AK5: variants seen among roughly 807,000 people sequenced by gnomAD.
The protein encoded by AK5 is adenylate kinase isoenzyme 5.
In AK5, 27 loss-of-function variants were observed where a neutral mutation model predicts 69.5. The ratio of observed to expected loss-of-function variants is 0.39; its 90% CI spans 0.29 to 0.54. AK5 has a LOEUF of 0.54. AK5 is among the 20% of genes least tolerant of loss of function. The probability of loss-of-function intolerance (pLI) is 0.71; values close to 1 mark genes in which losing one functional copy is unlikely to be tolerated. For synonymous variants in AK5, 260 were observed against 244.4 expected, an observed-to-expected ratio of 1.06 and a Z score of -0.60; for missense variants, 531 against 700.4, an observed-to-expected ratio of 0.76 and a Z score of 2.73.
At chr1:77,341,317 G>T (rs1459449606) in intron 6 of AK5, among the ~76,000 whole-genome samples, 1 of 152,152 alleles carries the variant, frequency 6.6e-6, no homozygotes, top group African/African-American at 2.4e-5. Context: ...AGGATAATGG[G>T]TCATCTGAAG....
intron 6 of AK5, among the ~76,000 whole-genome samples, chr1:77,345,256 A>G (rs1034025913): frequency 6.6e-6 from 1 of 152,218 alleles, no homozygotes; most frequent in Non-Finnish European, 1.5e-5. Flanking sequence ...AATCAGAGGT[A>G]AGCTGTGGTC....
intron 8 of AK5, among the ~76,000 whole-genome samples, chr1:77,447,022 T>C (rs1652794878): frequency 1.3e-5 from 2 of 152,176 alleles, no homozygotes; most frequent in South Asian, 4.1e-4. Flanking sequence ...TTGAAAGTCA[T>C]TGGTGGTCTA....
intron 10 of AK5, among the ~76,000 whole-genome samples, chr1:77,490,183 G>A (rs1045911897): frequency 6.6e-5 from 10 of 152,084 alleles, no homozygotes; most frequent in African/African-American, 2.4e-4. Context: ...GCTTGTTGCT[G>A]CTGTGGCTGT....
chr1:77,428,858 G>GT (rs1176071656), intron 8 of AK5, among the ~76,000 whole-genome samples: 1 of 152,030 alleles, frequency 6.6e-6, no homozygotes, highest in Non-Finnish European at 1.5e-5. Context: ...GCGGTGTTTG[G>GT]TTTTTTGTCC....
intron 6 of AK5, among the ~76,000 whole-genome samples, chr1:77,374,821 G>GAAAAA (rs536579604): frequency 7.6e-6 from 1 of 131,182 alleles, no homozygotes; most frequent in Non-Finnish European, 1.7e-5. Context: ...CCCTGTCTCA[G>GAAAAA]AAAAAAAAAA....
At chr1:77,478,912 A>G (rs1655100721) in intron 8 of AK5, among the ~76,000 whole-genome samples, 2 of 146,322 alleles carry the variant, frequency 1.4e-5, no homozygotes, top group South Asian at 4.2e-4. Context: ...ACCAGAACCC[A>G]GCCTTGCAAA....
rs149078316 is a variant in AK5 at position 77,526,870 on chromosome 1, G to GTCTC, written c.1428+4940_1428+4943dup. Among the ~76,000 whole-genome samples the GTCTC allele has an allele frequency of 5.2e-3, 771 of 149,164 alleles. 7 individuals are homozygous for GTCTC. Among genetic ancestry groups the GTCTC allele is most frequent in the African/African-American group, 0.018 (724 of 40,716 alleles). On this transcript the variant is annotated intron_variant, in intron 12 of 13. Transcript: ENST00000354567. ...ACAAGATGTATAGTAAATAAATAAG[G>GTCTC]TCTCTCTCTCTCTCTCGGTCAACAA...
At chr1:77,283,067 G>A in intron 1 of AK5, 1 of 985,620 alleles carries the variant, frequency 1.0e-6, no homozygotes, top group Non-Finnish European at 1.2e-6. Context: ...AGCTGCGAGG[G>A]GGGCGGACTC....
At chr1:77,337,478 T>A (rs1339240714) in intron 5 of AK5, among the ~76,000 whole-genome samples, 1 of 152,156 alleles carries the variant, frequency 6.6e-6, no homozygotes, top group Non-Finnish European at 1.5e-5. Flanking sequence ...TATCATTTTA[T>A]TTGTCAAAAA....
chr1:77,486,199 C>T lies in AK5; in HGVS notation c.1103-109C>T, dbSNP rs1442881883. 3 of 696,342 alleles carry T rather than the reference C, an allele frequency of 4.3e-6. No individual in the cohort carries two copies. The South Asian group carries it at 4.9e-5, about 11-fold the overall frequency. The allele number at this position is 696,342 out of a possible 1,614,324, so 43.1% of individuals were successfully genotyped here. ...ATTCACACATTTATTCAACTTCAAGCTTTTTATCAAATAAAACTACAAGGT... is the reference window on the plus strand; with the variant it reads ...ATTCACACATTTATTCAACTTCAAGTTTTTTATCAAATAAAACTACAAGGT... On this transcript the variant is annotated intron_variant, in intron 9 of 13. Coordinates refer to ENST00000354567, the MANE Select transcript of AK5 (RefSeq NM_174858.3).
chr1:77,542,009 T>C (rs760896747), intron 13 of AK5, among the ~76,000 whole-genome samples: 24 of 152,190 alleles, frequency 1.6e-4, no homozygotes, highest in Admixed American at 4.6e-4. Context: ...GACACAGCAG[T>C]CAACGTGACA....
chr1:77,366,858 C>T (rs532104877), intron 6 of AK5, among the ~76,000 whole-genome samples: 1 of 151,698 alleles, frequency 6.6e-6, no homozygotes, highest in African/African-American at 2.4e-5. Flanking sequence ...ACTTAAAATT[C>T]GCTTTTAACT....
chr1:77,504,706 C>T (rs995962075), intron 10 of AK5, among the ~76,000 whole-genome samples: 2 of 152,150 alleles, frequency 1.3e-5, no homozygotes, highest in Non-Finnish European at 2.9e-5. Context: ...TGACCAGAAC[C>T]TCAGAAATCT....
At chr1:77,368,215 CTA>C (rs1172723260) in intron 6 of AK5, among the ~76,000 whole-genome samples, 58 of 28,194 alleles carry the variant, frequency 2.1e-3, no homozygotes, top group African/African-American at 5.4e-3. Context: ...AGTAGAGATA[CTA>C]TATATATATA....
intron 13 of AK5, among the ~76,000 whole-genome samples, chr1:77,545,307 CT>C (rs1459251431): frequency 6.6e-6 from 1 of 151,988 alleles, no homozygotes; most frequent in Non-Finnish European, 1.5e-5. Context: ...AAACTTTTTA[CT>C]ACAGACACAC....
At chr1:77,282,671 G>T (rs1484343200) in intron 1 of AK5, 2 of 1,154,118 alleles carry the variant, frequency 1.7e-6, no homozygotes, top group Non-Finnish European at 2.1e-6. Flanking sequence ...CCCAGGGTGG[G>T]CTGCAGACCG....
rs1298193760 is a variant in AK5 at position 77,505,160 on chromosome 1, A to G, written c.1148-13404A>G. 2.6e-5 allele frequency among the ~76,000 whole-genome samples: 4 copies of G among 152,358 alleles called. No homozygotes were observed. The East Asian group carries it at 7.7e-4, about 29-fold the overall frequency. On this transcript the variant is annotated intron_variant, in intron 10 of 13. Coordinates refer to ENST00000354567, the MANE Select transcript of AK5 (RefSeq NM_174858.3). ...GGTCTAGAATTGAACATAAAACCTCAGATGTAATCCAGCTAACATTTGCCC... is the reference window on the plus strand; with the variant it reads ...GGTCTAGAATTGAACATAAAACCTCGGATGTAATCCAGCTAACATTTGCCC...
At chr1:77,455,685 A>G (rs1456726231) in intron 8 of AK5, among the ~76,000 whole-genome samples, 1 of 152,142 alleles carries the variant, frequency 6.6e-6, no homozygotes, top group Non-Finnish European at 1.5e-5. Flanking sequence ...AAACAGATGA[A>G]GGCAAAAACT....
intron 7 of AK5, among the ~76,000 whole-genome samples, chr1:77,417,394 T>A (rs946091813): frequency 7.9e-5 from 12 of 152,198 alleles, no homozygotes; most frequent in Non-Finnish European, 1.6e-4. Flanking sequence ...CCTTTAATAA[T>A]AACTCTTGTT....
Sources: gnomAD v4.1 joint callset for allele counts (sites outside exome capture counted in the v4.1 genomes callset) on GRCh38, gnomAD v4.1.1 for gene constraint, MANE v1.5 for transcripts, NCBI Gene and HGNC (gene_info 2026-07-23, HGNC 2026-07-21) for gene names.